Variants in GRIP1 observed in about 807,000 individuals in gnomAD.
The protein encoded by GRIP1 is glutamate receptor-interacting protein 1.
In GRIP1, 45 loss-of-function variants were observed where a neutral mutation model predicts 129.9. The ratio of observed to expected loss-of-function variants is 0.35; its 90% CI spans 0.27 to 0.44. The LOEUF (loss-of-function observed/expected upper bound fraction) is 0.44. Ranked by LOEUF, GRIP1 falls within the 20% of genes least tolerant of loss-of-function variation. GRIP1 has a pLI of 1.00. For missense variants in GRIP1, 1,196 were observed against 1,396.8 expected (o/e 0.86, Z 2.29); for synonymous variants, 530 against 520.8 (o/e 1.02, Z -0.24).
intron 1 of GRIP1, among the ~76,000 whole-genome samples, chr12:66,852,624 A>C (rs1312952618): frequency 6.6e-6 from 1 of 151,014 alleles, no homozygotes; most frequent in African/African-American, 2.4e-5. Flanking sequence ...CCATCAATTA[A>C]AATAAATCTG....
intron 1 of GRIP1, among the ~76,000 whole-genome samples, chr12:66,619,918 G>C (rs1171677129): frequency 6.6e-6 from 1 of 152,072 alleles, no homozygotes; most frequent in African/African-American, 2.4e-5. Context: ...TGATCCTTTG[G>C]GGTTGAACTT....
chr12:66,650,658 G>T (rs1043206002), intron 1 of GRIP1, among the ~76,000 whole-genome samples: 5 of 152,156 alleles, frequency 3.3e-5, no homozygotes, highest in Non-Finnish European at 7.4e-5. Context: ...ACCATTAGCT[G>T]ATCTTAATGG....
chr12:66,365,246 G>C (rs1181319408), intron 23 of GRIP1, among the ~76,000 whole-genome samples: 4 of 152,174 alleles, frequency 2.6e-5, no homozygotes, highest in African/African-American at 9.7e-5. Flanking sequence ...GGCCAGCCTG[G>C]CCAACATGGT....
intron 1 of GRIP1, among the ~76,000 whole-genome samples, chr12:66,751,291 A>G (rs1419757545): frequency 6.6e-6 from 1 of 152,182 alleles, no homozygotes; most frequent in African/African-American, 2.4e-5. Context: ...TAGGAAAACT[A>G]AGACAGATAG....
chr12:66,881,944 C>T (rs2040485938), intron 1 of GRIP1, among the ~76,000 whole-genome samples: 1 of 152,134 alleles, frequency 6.6e-6, no homozygotes, highest in African/African-American at 2.4e-5. Flanking sequence ...TTGAAAATTT[C>T]CTTTCAGTCA....
chr12:66,846,069 T>C (rs1490013932), intron 1 of GRIP1, among the ~76,000 whole-genome samples: 2 of 152,204 alleles, frequency 1.3e-5, no homozygotes, highest in Non-Finnish European at 2.9e-5. Flanking sequence ...AATCCAACAA[T>C]GCTCACATCT....
chr12:66,499,652 G>C (rs2060334367), intron 7 of GRIP1, among the ~76,000 whole-genome samples: 1 of 152,132 alleles, frequency 6.6e-6, no homozygotes, highest in Non-Finnish European at 1.5e-5. Flanking sequence ...AAAAAGATAA[G>C]ATGGTATGGG....
chr12:67,013,604 T>C (rs1466497914), intron 1 of GRIP1, among the ~76,000 whole-genome samples: 1 of 152,188 alleles, frequency 6.6e-6, no homozygotes. Flanking sequence ...TTTTGAACAC[T>C]TGTTGTTATT....
At chr12:66,361,896 C>G (rs1484908422) in intron 23 of GRIP1, among the ~76,000 whole-genome samples, 1 of 152,152 alleles carries the variant, frequency 6.6e-6, no homozygotes, top group Non-Finnish European at 1.5e-5. Context: ...GGGTGGCACA[C>G]CCTCCACCCA....
chr12:66,637,555 CCTCTT>C (rs1271306120), intron 1 of GRIP1, among the ~76,000 whole-genome samples: 1 of 138,796 alleles, frequency 7.2e-6, no homozygotes, highest in African/African-American at 3.0e-5. Flanking sequence ...TTATATCTCT[CCTCTT>C]GTTATTTTTG....
At chr12:66,715,544 G>A (rs11176396) in intron 1 of GRIP1, among the ~76,000 whole-genome samples, 58,500 of 149,316 alleles carry the variant, frequency 0.39, 11,780 homozygotes, top group South Asian at 0.51. Context: ...ATTAAACACT[G>A]TGGGCAGGAG....
intron 9 of GRIP1, among the ~76,000 whole-genome samples, chr12:66,462,046 A>G (rs1483512119): frequency 5.3e-5 from 8 of 152,216 alleles, no homozygotes. Flanking sequence ...GGTTTTGCCT[A>G]AAGGTGCCTA....
At chr12:66,778,268 TTA>T (rs1491426454) in intron 1 of GRIP1, among the ~76,000 whole-genome samples, 1 of 151,914 alleles carries the variant, frequency 6.6e-6, no homozygotes, top group African/African-American at 2.4e-5. Context: ...AAAAGAAATT[TTA>T]CACACACACA....
chr12:66,822,985 T>G (rs904731437), intron 1 of GRIP1, among the ~76,000 whole-genome samples: 2 of 152,068 alleles, frequency 1.3e-5, no homozygotes, highest in African/African-American at 4.8e-5. Flanking sequence ...AAAATAAAAG[T>G]TAAAATTATA....
chr12:66,850,796 C>A (rs534699837), intron 1 of GRIP1, among the ~76,000 whole-genome samples: 77 of 151,802 alleles, frequency 5.1e-4, no homozygotes, highest in African/African-American at 1.7e-3. Flanking sequence ...CATACACACA[C>A]GGCTAATATA....
chr12:66,835,445 G>A (rs926222435), intron 1 of GRIP1, among the ~76,000 whole-genome samples: 3 of 152,082 alleles, frequency 2.0e-5, no homozygotes, highest in African/African-American at 7.2e-5. Context: ...TTATATCATT[G>A]TTTATATCAA....
intron 1 of GRIP1, among the ~76,000 whole-genome samples, chr12:66,841,599 T>C (rs1814767553): frequency 6.6e-6 from 1 of 152,200 alleles, no homozygotes; most frequent in African/African-American, 2.4e-5. Flanking sequence ...TACGTTATTT[T>C]CTATAGGTAT....
intron 1 of GRIP1, among the ~76,000 whole-genome samples, chr12:66,931,951 T>C (rs2041402929): frequency 6.6e-6 from 1 of 152,214 alleles, no homozygotes; most frequent in Non-Finnish European, 1.5e-5. Context: ...GTATGGTTTG[T>C]GGCTAAGCAT....
upstream of GRIP1, among the ~76,000 whole-genome samples, chr12:66,805,083 G>A (rs1281753953): frequency 6.6e-6 from 1 of 151,886 alleles, no homozygotes; most frequent in Non-Finnish European, 1.5e-5. Context: ...CTGGTTTAAG[G>A]GAAAAGAAAT....
Sources: gnomAD v4.1 joint callset for allele counts (sites outside exome capture counted in the v4.1 genomes callset) on GRCh38, gnomAD v4.1.1 for gene constraint, MANE v1.5 for transcripts, NCBI Gene and HGNC (gene_info 2026-07-23, HGNC 2026-07-21) for gene names.